CTNNA3: variants seen among roughly 807,000 people sequenced by gnomAD.
CTNNA3 encodes catenin alpha-3.
A neutral mutation model predicts 95.7 loss-of-function variants in CTNNA3; 76 were observed. The ratio of observed to expected loss-of-function variants is 0.79; its 90% CI spans 0.66 to 0.96. The LOEUF is 0.96. CTNNA3 is among the 40% of genes least tolerant of loss of function. The pLI is 0.00. For synonymous variants in CTNNA3, 431 were observed against 374.4 expected, an observed-to-expected ratio of 1.15 and a Z score of -1.74; for missense variants, 1,191 against 1,089.8, an observed-to-expected ratio of 1.09 and a Z score of -1.31.
chr10:66,983,705 C>T (rs1022431586), intron 7 of CTNNA3, among the ~76,000 whole-genome samples: 1 of 152,176 alleles, frequency 6.6e-6, no homozygotes, highest in African/African-American at 2.4e-5. Context: ...ATAGTTTAGT[C>T]TTTCTCCACA....
At chr10:66,777,208 C>T (rs943381136) in intron 7 of CTNNA3, among the ~76,000 whole-genome samples, 3 of 152,150 alleles carry the variant, frequency 2.0e-5, no homozygotes, top group South Asian at 4.1e-4. Context: ...ATCTGGCATT[C>T]GTGGACCCAG....
intron 9 of CTNNA3, among the ~76,000 whole-genome samples, chr10:66,689,255 G>T (rs573130432): frequency 7.9e-5 from 12 of 152,108 alleles, no homozygotes; most frequent in Middle Eastern, 3.4e-3. Context: ...AATTTTTTTT[G>T]AAACATACTG....
intron 17 of CTNNA3, among the ~76,000 whole-genome samples, chr10:65,951,785 T>C (rs1231385488): frequency 1.3e-5 from 2 of 152,014 alleles, no homozygotes; most frequent in Non-Finnish European, 2.9e-5. Context: ...ATCCCAGCAC[T>C]TTGGGAGGCC....
At position 67,388,734 on chromosome 10, in the gene CTNNA3, G is replaced by A. The variant is rs1279900026; in HGVS notation, c.579+133108C>T. ...CTCTCGGCAGAAACCCTACAAACCA[G>A]AAGAGAGTGAGGGCCAATATTCAAC... On this transcript the variant is annotated intron_variant, in intron 5 of 17. Transcript: ENST00000433211. Among the ~76,000 whole-genome samples, 10 of 152,272 alleles carry A rather than the reference G, an allele frequency of 6.6e-5. No homozygotes were observed. In the East Asian group the frequency reaches 1.7e-3, roughly 26 times the overall value.
At chr10:67,378,327 G>A (rs11812624) in intron 5 of CTNNA3, among the ~76,000 whole-genome samples, 6,354 of 152,054 alleles carry the variant, frequency 0.042, 188 homozygotes, top group South Asian at 0.1. Context: ...TATATCTATT[G>A]CCCAGCTTTC....
chr10:67,638,228 G>A (rs1031556706), intron 2 of CTNNA3, among the ~76,000 whole-genome samples: 9 of 152,014 alleles, frequency 5.9e-5, no homozygotes, highest in African/African-American at 2.2e-4. Context: ...TCTCTGATAA[G>A]ACAGACTTTA....
At chr10:67,182,585 C>T (rs1412728577) in intron 6 of CTNNA3, among the ~76,000 whole-genome samples, 1 of 151,994 alleles carries the variant, frequency 6.6e-6, no homozygotes, top group Non-Finnish European at 1.5e-5. Flanking sequence ...CATAAAAACC[C>T]TAGAAGAAAA....
intron 5 of CTNNA3, among the ~76,000 whole-genome samples, chr10:67,296,031 G>A (rs1362783331): frequency 1.3e-5 from 2 of 152,140 alleles, no homozygotes; most frequent in Non-Finnish European, 2.9e-5. Flanking sequence ...ATTTTTCAGG[G>A]TGATCAAAGT....
intron 8 of CTNNA3, among the ~76,000 whole-genome samples, chr10:66,769,135 C>T (rs1589234170): frequency 6.6e-6 from 1 of 152,188 alleles, no homozygotes; most frequent in Non-Finnish European, 1.5e-5. Context: ...CTTATTACTC[C>T]CCTTTGCTTT....
chr10:67,302,309 T>A (rs538697933), intron 5 of CTNNA3, among the ~76,000 whole-genome samples: 2 of 152,150 alleles, frequency 1.3e-5, no homozygotes, highest in South Asian at 4.2e-4. Flanking sequence ...GTTAAACAAT[T>A]CAAAATTTCA....
At chr10:67,059,962 G>T (rs572645583) in intron 7 of CTNNA3, among the ~76,000 whole-genome samples, 1 of 152,208 alleles carries the variant, frequency 6.6e-6, no homozygotes, top group East Asian at 1.9e-4. Context: ...CAAATATGTT[G>T]AGGGAGATAA....
In CTNNA3 at chr10:67,018,729, A is replaced by T. The variant is rs937622863; in HGVS notation, c.1047+161588T>A. On this transcript the variant is annotated intron_variant, in intron 7 of 17. Coordinates refer to ENST00000433211, the MANE Select transcript of CTNNA3 (RefSeq NM_013266.4). ...TCCTCATATGCAAAATGAGAATGACATTAATTAAGGTTTTGTTGTGAAGAT... is the reference window on the plus strand; with the variant it reads ...TCCTCATATGCAAAATGAGAATGACTTTAATTAAGGTTTTGTTGTGAAGAT... 2.0e-5 allele frequency among the ~76,000 whole-genome samples: 3 copies of T among 152,228 alleles called. No individual in the cohort carries two copies. The East Asian group carries it at 5.8e-4, about 29-fold the overall frequency.
At position 66,091,295 on chromosome 10, in the gene CTNNA3, C is replaced by A. The variant is rs527379358; in HGVS notation, c.1977+11862G>T. Among the ~76,000 whole-genome samples, 384 of 151,920 alleles carry A rather than the reference C, an allele frequency of 2.5e-3. 1 individual carries two copies. Among genetic ancestry groups the A allele is most frequent in the Admixed American group, 5.2e-3 (79 of 15,186 alleles). ...AAATGCCCATTGTCTAAGTAATTAT[C>A]TACTAAAATACTATTTTGGAAATAT... On this transcript the variant is annotated intron_variant, in intron 14 of 17. Transcript: ENST00000433211.
At chr10:66,818,392 C>A (rs1842170948) in intron 7 of CTNNA3, among the ~76,000 whole-genome samples, 2 of 152,082 alleles carry the variant, frequency 1.3e-5, no homozygotes. Flanking sequence ...GGAATACAGA[C>A]AAACTATTTA....
At chr10:65,996,244 A>G (rs186676974) in intron 15 of CTNNA3, among the ~76,000 whole-genome samples, 2 of 152,250 alleles carry the variant, frequency 1.3e-5, no homozygotes, top group East Asian at 3.9e-4. Context: ...CAGAGTTGCT[A>G]TCAGTGGGAG....
chr10:66,338,672 G>C (rs1028498174), intron 12 of CTNNA3, among the ~76,000 whole-genome samples: 1 of 151,960 alleles, frequency 6.6e-6, no homozygotes, highest in African/African-American at 2.4e-5. Flanking sequence ...GAGCAAGGAA[G>C]GATGAGACAA....
intron 7 of CTNNA3, among the ~76,000 whole-genome samples, chr10:66,969,716 G>C (rs1435755151): frequency 1.3e-5 from 2 of 152,052 alleles, no homozygotes; most frequent in Non-Finnish European, 2.9e-5. Flanking sequence ...CTTCAAACTT[G>C]ATTGCTGGTG....
At chr10:66,229,774 A>G (rs2089495838) in intron 13 of CTNNA3, among the ~76,000 whole-genome samples, 1 of 152,134 alleles carries the variant, frequency 6.6e-6, no homozygotes, top group Admixed American at 6.5e-5. Flanking sequence ...TCTAAGACTT[A>G]GGACATTTTT....
At chr10:67,474,052 A>G (rs1405005077) in intron 5 of CTNNA3, among the ~76,000 whole-genome samples, 1 of 152,178 alleles carries the variant, frequency 6.6e-6, no homozygotes, top group Non-Finnish European at 1.5e-5. Context: ...ATTGAGTAAT[A>G]AAGTAAACTT....
Sources: allele counts gnomAD v4.1 joint callset (sites outside exome capture counted in the v4.1 genomes callset), GRCh38; gene constraint gnomAD v4.1.1; transcripts MANE v1.5; gene names NCBI Gene and HGNC (gene_info 2026-07-23, HGNC 2026-07-21).